PFKFB3: variants seen among roughly 807,000 people sequenced by gnomAD.
The protein encoded by PFKFB3 is 6-phosphofructo-2-kinase/fructose-2,6-biphosphatase 3.
Under a neutral mutation model 68.0 loss-of-function variants are expected in PFKFB3, and 33 were observed. That is an observed-to-expected ratio of 0.49 (90% CI 0.37 to 0.65). PFKFB3 has a LOEUF of 0.65. Ranked by LOEUF, PFKFB3 falls within the 30% of genes least tolerant of loss-of-function variation. The pLI is 0.00. For missense variants in PFKFB3, 586 were observed against 712.2 expected (o/e 0.82, Z 2.02); for synonymous variants, 315 against 288.2 (o/e 1.09, Z -0.94).
the PFKFB3 span, among the ~76,000 whole-genome samples, chr10:6,271,823 G>C: frequency 6.6e-6 from 1 of 152,110 alleles, no homozygotes; most frequent in Admixed American, 6.6e-5. Flanking sequence ...CCACACTGTG[G>C]GCATGTATTT....
chr10:6,247,721 G>A (rs1206052048), intron 14 of PFKFB3, among the ~76,000 whole-genome samples: 1 of 152,132 alleles, frequency 6.6e-6, no homozygotes, highest in East Asian at 1.9e-4. Context: ...CCCTCCTAAG[G>A]AACCCTTCCT....
intron 1 of PFKFB3, among the ~76,000 whole-genome samples, chr10:6,185,970 C>A (rs1842858560): frequency 6.6e-6 from 1 of 152,040 alleles, no homozygotes; most frequent in African/African-American, 2.4e-5. Flanking sequence ...ACTCGAGCCC[C>A]TCTCCCAGTG....
intron 1 of PFKFB3, among the ~76,000 whole-genome samples, chr10:6,189,664 A>G (rs1842973898): frequency 6.6e-6 from 1 of 151,776 alleles, no homozygotes; most frequent in Non-Finnish European, 1.5e-5. Context: ...ACAGGCATGC[A>G]CCACCAAGCC....
At chr10:6,187,959 C>CTA (rs1255788866) in intron 1 of PFKFB3, among the ~76,000 whole-genome samples, 6 of 133,550 alleles carry the variant, frequency 4.5e-5, no homozygotes, top group Non-Finnish European at 9.7e-5. Flanking sequence ...TTCTATCTAT[C>CTA]TATCTATCTA....
rs766483868 is a variant in PFKFB3 at position 6,231,248 on chromosome 10, C to G, written c.1516-1647C>G. 8 of 1,541,224 alleles carry G rather than the reference C, an allele frequency of 5.2e-6. No homozygotes were observed. The African/African-American group carries it at 9.5e-5, about 18-fold the overall frequency. On this transcript the variant is annotated intron_variant, in intron 14 of 14. Transcript: ENST00000379775. ...TTCCAACCTGTTTCTTCCTCTCCCC[C>G]ACTCTGCTTGAAAGACGAACTGTCT...
At chr10:6,179,829 T>G (rs1842656721) in intron 1 of PFKFB3, among the ~76,000 whole-genome samples, 1 of 152,070 alleles carries the variant, frequency 6.6e-6, no homozygotes, top group Non-Finnish European at 1.5e-5. Context: ...GGCTGCTGGC[T>G]CCAAAGTGGG....
intron 1 of PFKFB3, among the ~76,000 whole-genome samples, chr10:6,189,557 C>T (rs1842970780): frequency 6.7e-6 from 1 of 149,268 alleles, no homozygotes; most frequent in Non-Finnish European, 1.5e-5. Context: ...CTCTGTCACC[C>T]AGGCTGGAGT....
At chr10:6,282,718 A>G in the PFKFB3 span, among the ~76,000 whole-genome samples, 1 of 152,144 alleles carries the variant, frequency 6.6e-6, no homozygotes, top group Non-Finnish European at 1.5e-5. Context: ...CCAAGAATTT[A>G]CTCAAAAGAG....
the PFKFB3 span, among the ~76,000 whole-genome samples, chr10:6,277,025 C>T: frequency 6.6e-6 from 1 of 152,066 alleles, no homozygotes; most frequent in Admixed American, 6.5e-5. Context: ...TGCTGGCAAC[C>T]ACTAACCTGT....
chr10:6,219,426 C>T (rs779152011), intron 6 of PFKFB3, 143 bp from the exon 7 acceptor site: 1 of 822,872 alleles, frequency 1.2e-6, no homozygotes, highest in Non-Finnish European at 2.0e-6. Flanking sequence ...CAGCATCTTT[C>T]TCCCTTTCTC....
chr10:6,307,372 C>CTCA, the PFKFB3 span, among the ~76,000 whole-genome samples: 1 of 150,290 alleles, frequency 6.7e-6, no homozygotes, highest in Non-Finnish European at 1.5e-5. Context: ...CACACACTCA[C>CTCA]CCTACTGGTT....
the PFKFB3 span, among the ~76,000 whole-genome samples, chr10:6,272,795 A>G: frequency 6.6e-6 from 1 of 152,176 alleles, no homozygotes; most frequent in Non-Finnish European, 1.5e-5. Flanking sequence ...TGTGCATGCC[A>G]AGGGCTATGT....
the PFKFB3 span, among the ~76,000 whole-genome samples, chr10:6,309,431 G>A: frequency 6.6e-6 from 1 of 152,070 alleles, no homozygotes; most frequent in Non-Finnish European, 1.5e-5. Context: ...AGACCAGCCT[G>A]GGCAACATGG....
intron 1 of PFKFB3, among the ~76,000 whole-genome samples, chr10:6,178,547 A>G (rs1455920212): frequency 7.6e-6 from 1 of 131,186 alleles, no homozygotes; most frequent in Non-Finnish European, 1.6e-5. Context: ...GAAGCCACTG[A>G]CCCGGAGCTG....
chr10:6,273,111 A>G, the PFKFB3 span, among the ~76,000 whole-genome samples: 1 of 148,116 alleles, frequency 6.8e-6, no homozygotes, highest in Non-Finnish European at 1.5e-5. Context: ...GGTTCAAGCA[A>G]TTCTCCTGTC....
intron 14 of PFKFB3, among the ~76,000 whole-genome samples, chr10:6,252,703 A>G (rs753142067): frequency 1.3e-5 from 2 of 152,236 alleles, no homozygotes; most frequent in African/African-American, 2.4e-5. Flanking sequence ...GGGGTCATAT[A>G]TATGCAGAGA....
chr10:6,311,820 C>A, the PFKFB3 span, among the ~76,000 whole-genome samples: 1 of 152,114 alleles, frequency 6.6e-6, no homozygotes, highest in Admixed American at 6.5e-5. Flanking sequence ...AGTAGTAATA[C>A]CACTGGAGTT....
intron 1 of PFKFB3, among the ~76,000 whole-genome samples, chr10:6,155,394 C>T (rs1215670335): frequency 6.6e-6 from 1 of 151,804 alleles, no homozygotes; most frequent in Admixed American, 6.6e-5. Flanking sequence ...TTCATAGAGA[C>T]GGGGTTTCAC....
intron 14 of PFKFB3, among the ~76,000 whole-genome samples, chr10:6,249,178 TAAAAAAAAA>T (rs71391803): frequency 1.3e-5 from 1 of 76,956 alleles, no homozygotes; most frequent in Middle Eastern, 0.012. Context: ...CCGTCTCAAT[TAAAAAAAAA>T]AAAAAAAAAA....
Sources: allele counts gnomAD v4.1 joint callset (sites outside exome capture counted in the v4.1 genomes callset), GRCh38; gene constraint gnomAD v4.1.1; transcripts MANE v1.5; gene names NCBI Gene and HGNC (gene_info 2026-07-23, HGNC 2026-07-21).